The following MGAM variants were observed in gnomAD, a reference collection of about 807,000 sequenced individuals.
MGAM encodes the protein alpha-1,4-glucosidase.
A neutral mutation model predicts 358.8 loss-of-function variants in MGAM; 253 were observed. The observed-to-expected ratio is 0.71, with a 90% CI of 0.64 to 0.78. The LOEUF (loss-of-function observed/expected upper bound fraction) is 0.78, where lower values mean the gene tolerates loss of function less well. MGAM is among the 30% of genes least tolerant of loss of function. The probability of loss-of-function intolerance (pLI) is 0.00; values close to 1 mark genes in which losing one functional copy is unlikely to be tolerated. For missense variants in MGAM, 3,080 were observed against 3,432.6 expected, an observed-to-expected ratio of 0.90 and a Z score of 2.57; for synonymous variants, 1,105 against 1,227.1, an observed-to-expected ratio of 0.90 and a Z score of 2.08.
chr7:142,045,884 ATATATAT>A lies in MGAM; in HGVS notation c.2499-1897_2499-1891del, dbSNP rs1341322486. Among the ~76,000 whole-genome samples, 11 of 107,804 alleles carry A rather than the reference ATATATAT, an allele frequency of 1.0e-4. 2 individuals carry two copies. The highest frequency in any genetic ancestry group is 4.8e-4 in the East Asian group (2 of 4,198). 70.7% of individuals were successfully genotyped at this position (107,804 alleles called of 152,430 possible). ...ATTATATATACATACAATATGTAAT[ATATATAT>A]TATGTATACATACAATATGTAATAT... is the stretch of plus-strand genomic sequence containing the variant. On this transcript the variant is annotated intron_variant, in intron 21 of 70. Coordinates refer to ENST00000475668, the MANE Select transcript of MGAM (RefSeq NM_001365693.1).
chr7:142,042,636 A>G (rs1381992412), intron 21 of MGAM, among the ~76,000 whole-genome samples: 11 of 59,010 alleles, frequency 1.9e-4, no homozygotes, highest in Non-Finnish European at 2.8e-5. Context: ...CATATTATAT[A>G]TAATATATAA....
chr7:142,100,846 G>A lies in MGAM; in HGVS notation c.7919G>A (p.Gly2640Glu). ...MGFKIALDDEGTAGGWLFWDD... is the reference protein window; with the variant it reads ...MGFKIALDDEETAGGWLFWDD... ...TTCAAAATTGCCTTGGATGATGAAG[G>A]AACTGCTGGGGGCTGGCTCTTCTGG... The change falls in exon 68 of 71, where the codon GGA becomes GAA. Residue 2640 changes from glycine (G) to glutamate (E), a missense_variant. Transcript: ENST00000475668. 6.2e-7 allele frequency: 1 copy of A among 1,613,364 alleles called. No individual in the cohort carries two copies.
chr7:142,002,559 AG>A (rs1175992403), intron 1 of MGAM, among the ~76,000 whole-genome samples: 5 of 152,128 alleles, frequency 3.3e-5, no homozygotes, highest in African/African-American at 1.2e-4. Flanking sequence ...ACCTTGGCGT[AG>A]GGAGACCATA....
At position 142,078,958 on chromosome 7, in the gene MGAM, C is replaced by T. The variant is rs780109774; in HGVS notation, c.5797C>T (p.Pro1933Ser). 9.6e-6 allele frequency: 15 copies of T among 1,555,874 alleles called. 1 individual carries two copies. In the African/African-American group the frequency reaches 2.0e-4, roughly 21 times the overall value. The change falls in exon 49 of 71, where the codon CCC (proline) becomes TCC (serine). Residue 1933 changes from proline to serine, a missense_variant. Transcript: ENST00000475668. ...ANAFPSTPVN[P>S]LRLDVTYHKN... is the part of the protein sequence containing the mutation. The stretch of plus-strand genomic sequence containing the variant: ...TGCCTTCCCTTCCACACCCGTGAAC[C>T]CCCTTCGCCTGGATGTCACTTACCA...
chr7:142,093,675 T>A, intron 60 of MGAM, 125 bp downstream of exon 60: 1 of 1,089,836 alleles, frequency 9.2e-7, no homozygotes, highest in Non-Finnish European at 1.3e-6. Flanking sequence ...GACAACTGTG[T>A]AATGATTCTT....
intron 13 of MGAM, among the ~76,000 whole-genome samples, 152 bp from the exon 14 acceptor site, chr7:142,032,673 C>T (rs1372277634): frequency 6.6e-6 from 1 of 152,058 alleles, no homozygotes; most frequent in Non-Finnish European, 1.5e-5. Flanking sequence ...AGTGGGTAGA[C>T]AAGACAAGAA....
chr7:142,093,012 A>G (rs1815542681), intron 59 of MGAM, among the ~76,000 whole-genome samples: 1 of 146,376 alleles, frequency 6.8e-6, no homozygotes, highest in African/African-American at 2.4e-5. Flanking sequence ...TGGTTCCAGA[A>G]ATTGTTCTCT....
At position 142,082,137 on chromosome 7, in the gene MGAM, C is replaced by T; in HGVS notation, c.6098C>T (p.Thr2033Ile). The stretch of plus-strand genomic sequence containing the variant: ...AAGTACCTCTATGGCTTTGGGGAGA[C>T]TGAGCACACGTCCTACAGGAGAGAC... ...PSKYLYGFGETEHTSYRRDLE... is the reference protein window; with the variant it reads ...PSKYLYGFGEIEHTSYRRDLE... The change falls in exon 51 of 71, where the codon ACT becomes ATT. Residue 2033 changes from threonine (T) to isoleucine (I), a missense_variant. Physicochemically the swap from Thr to Ile is moderately conservative, Grantham distance 89 (BLOSUM62 -1). Coordinates refer to ENST00000475668, the MANE Select transcript of MGAM (RefSeq NM_001365693.1). 1.9e-6 allele frequency: 3 copies of T among 1,555,882 alleles called. No individual in the cohort carries two copies. The highest frequency in any genetic ancestry group is 2.6e-6 in the Non-Finnish European group (3 of 1,132,506).
intron 2 of MGAM, among the ~76,000 whole-genome samples, chr7:141,989,884 A>G (rs1365763613): frequency 2.0e-5 from 3 of 152,242 alleles, no homozygotes; most frequent in Non-Finnish European, 4.4e-5. Flanking sequence ...ACCCATAGTT[A>G]ATTACTGGTA....
intron 7 of MGAM, among the ~76,000 whole-genome samples, chr7:142,023,795 C>T (rs73542734): frequency 0.03 from 4,629 of 152,226 alleles, 237 homozygotes; most frequent in African/African-American, 0.1. Context: ...GCTGTTAAGT[C>T]AGAGCAGCTT....
chr7:142,008,725 T>C lies in MGAM; in HGVS notation c.327+20T>C, dbSNP rs1805364379. The C allele has an allele frequency of 6.2e-7, 1 of 1,603,182 alleles. No homozygotes were observed. The highest frequency in any genetic ancestry group is 1.1e-5 in the South Asian group (1 of 89,080). ...ACAAAGGTTTGAGTTATGAATTTTG[T>C]TTCCATTTTAGAATTTATGCAACTT... is the stretch of plus-strand genomic sequence containing the variant. On this transcript the variant is annotated intron_variant, in intron 3 of 70. Coordinates refer to ENST00000475668, the MANE Select transcript of MGAM (RefSeq NM_001365693.1).
intron 34 of MGAM, among the ~76,000 whole-genome samples, chr7:142,061,114 A>G (rs1428351672): frequency 2.0e-5 from 3 of 152,178 alleles, no homozygotes; most frequent in Non-Finnish European, 4.4e-5. Flanking sequence ...AGAGTTGAAT[A>G]TGGACAGGCA....
At chr7:141,997,292 G>A (rs1455778662) in intron 1 of MGAM, among the ~76,000 whole-genome samples, 1 of 152,094 alleles carries the variant, frequency 6.6e-6, no homozygotes, top group Non-Finnish European at 1.5e-5. Flanking sequence ...GTGTATGTCT[G>A]TAGGTGTGCA....
At chr7:142,087,314 G>A (rs1814852059) in intron 57 of MGAM, among the ~76,000 whole-genome samples, 1 of 145,762 alleles carries the variant, frequency 6.9e-6, no homozygotes, top group African/African-American at 2.4e-5. Context: ...TTTGTTGCTT[G>A]TAATGGATCC....
In MGAM at chr7:142,041,983, A is replaced by G. The variant is rs1584972450; in HGVS notation, c.2498+1137A>G. Among the ~76,000 whole-genome samples, 3 of 8,432 alleles carry G rather than the reference A, an allele frequency of 3.6e-4. No individual in the cohort carries two copies. In the South Asian group the frequency reaches 7.4e-3, roughly 21 times the overall value. The allele number at this position is 8,432 out of a possible 152,430, so 5.5% of individuals were successfully genotyped here. A position where few individuals can be genotyped will look rare whatever the true frequency, so the allele number is the denominator to read the frequency against. On this transcript the variant is annotated intron_variant, in intron 21 of 70. Coordinates refer to ENST00000475668, the MANE Select transcript of MGAM (RefSeq NM_001365693.1). ...AATATATATATATTATATATATATA[A>G]TATAATATATATATATTATATATAT...
At chr7:142,082,237 GTCTCTGCT>G (rs1348611430) in intron 51 of MGAM, 27 bp downstream of exon 51, 1 of 1,543,210 alleles carries the variant, frequency 6.5e-7, no homozygotes, top group Non-Finnish European at 8.9e-7. Context: ...TGAGATCTGT[GTCTCTGCT>G]TCTCTCCACC....
intron 2 of MGAM, among the ~76,000 whole-genome samples, chr7:142,007,974 C>G (rs957487592): frequency 3.9e-5 from 6 of 152,120 alleles, no homozygotes; most frequent in African/African-American, 1.4e-4. Flanking sequence ...GATCAGAGGT[C>G]TTCAGACTTT....
At position 142,062,663 on chromosome 7, in the gene MGAM, G is replaced by A. The variant is rs767460972; in HGVS notation, c.4218G>A (p.Gln1406=). ...TAGAAGAACTATACAACAATCCACA[G>A]AATCCAGAGAGGAGCTTGAAGTTTG... is the stretch of plus-strand genomic sequence containing the variant. ...REIEELYNNP[Q]NPERSLKFDG... Residue 1406 remains glutamine, a synonymous_variant, in exon 35 of 71, where the codon CAG becomes CAA. Transcript: ENST00000475668. The A allele has an allele frequency of 4.3e-5, 70 of 1,610,490 alleles. No homozygotes were observed. The highest frequency in any genetic ancestry group is 5.5e-5 in the Non-Finnish European group (65 of 1,178,578).
chr7:142,018,937 G>T (rs533130748), intron 3 of MGAM, among the ~76,000 whole-genome samples: 1 of 149,542 alleles, frequency 6.7e-6, no homozygotes, highest in African/African-American at 2.5e-5. Flanking sequence ...ATATATTTAT[G>T]AGTTTTTTTT....
Sources: gnomAD v4.1 joint callset for allele counts (sites outside exome capture counted in the v4.1 genomes callset) on GRCh38, gnomAD v4.1.1 for gene constraint, MANE v1.5 for transcripts, NCBI Gene and HGNC (gene_info 2026-07-23, HGNC 2026-07-21) for gene names.